CRIM1: variants seen among roughly 807,000 people sequenced by gnomAD.
The protein encoded by CRIM1 is cysteine-rich motor neuron 1 protein.
In CRIM1, 32 loss-of-function variants were observed where a neutral mutation model predicts 116.4. The observed-to-expected ratio is 0.27, with a 90% CI of 0.21 to 0.37. The LOEUF (loss-of-function observed/expected upper bound fraction) is 0.37, where lower values mean the gene tolerates loss of function less well. Ranked by LOEUF, CRIM1 falls within the 10% of genes least tolerant of loss-of-function variation. The pLI is 1.00. For synonymous variants in CRIM1, 590 were observed against 509.2 expected (o/e 1.16, Z -2.13); for missense variants, 1,331 against 1,354.8 (o/e 0.98, Z 0.28).
At chr2:36,509,437 G>T (rs1446027889) in intron 8 of CRIM1, among the ~76,000 whole-genome samples, 3 of 152,160 alleles carry the variant, frequency 2.0e-5, no homozygotes, top group African/African-American at 7.2e-5. Flanking sequence ...TGAGGTGGGA[G>T]AATCACTTGA....
At chr2:36,457,592 GGTTA>G (rs542243741) in intron 4 of CRIM1, among the ~76,000 whole-genome samples, 76 of 152,080 alleles carry the variant, frequency 5.0e-4, no homozygotes, top group African/African-American at 1.7e-3. Flanking sequence ...GGTGAAGGAG[GGTTA>G]GTTATTCATA....
intron 1 of CRIM1, among the ~76,000 whole-genome samples, chr2:36,363,872 G>A (rs1669414383): frequency 6.6e-6 from 1 of 152,306 alleles, no homozygotes; most frequent in Admixed American, 6.5e-5. Context: ...GTTCCAACCT[G>A]CTGCTGCAGT....
chr2:36,375,889 G>C (rs1267348893), intron 1 of CRIM1, among the ~76,000 whole-genome samples: 1 of 152,182 alleles, frequency 6.6e-6, no homozygotes, highest in Non-Finnish European at 1.5e-5. Context: ...AATGACATTA[G>C]CTAAAGTCAG....
intron 2 of CRIM1, among the ~76,000 whole-genome samples, chr2:36,401,727 A>G (rs1672416825): frequency 6.6e-6 from 1 of 152,212 alleles, no homozygotes; most frequent in South Asian, 2.1e-4. Flanking sequence ...AATTATTGTA[A>G]TTCAGTGGTC....
At chr2:36,403,573 G>A (rs756842536) in intron 2 of CRIM1, among the ~76,000 whole-genome samples, 2 of 152,094 alleles carry the variant, frequency 1.3e-5, no homozygotes, top group Non-Finnish European at 2.9e-5. Context: ...AAGAGAGGAC[G>A]GACAGAGAGG....
chr2:36,373,453 C>G (rs561416758), intron 1 of CRIM1, among the ~76,000 whole-genome samples: 30 of 152,344 alleles, frequency 2.0e-4, no homozygotes, highest in Admixed American at 3.9e-4. Flanking sequence ...ACAAGAACCT[C>G]TCAGAGCTAT....
chr2:36,358,157 C>CA (rs1668983092), intron 1 of CRIM1, among the ~76,000 whole-genome samples: 2 of 152,006 alleles, frequency 1.3e-5, no homozygotes, highest in Admixed American at 6.5e-5. Flanking sequence ...GCCTGAAGTA[C>CA]AAAAAAGCCT....
At chr2:36,529,850 C>T (rs761581793) in intron 13 of CRIM1, among the ~76,000 whole-genome samples, 9 of 152,098 alleles carry the variant, frequency 5.9e-5, no homozygotes, top group Non-Finnish European at 8.8e-5. Flanking sequence ...AAATTACTTG[C>T]ACTTCCTACC....
Position 36,542,498 on chromosome 2 carries a change from C to T in CRIM1, c.2624-1878C>T, listed in dbSNP as rs944259140. Among the ~76,000 whole-genome samples, 4 of 152,228 alleles carry T rather than the reference C, an allele frequency of 2.6e-5. No homozygotes were observed. In the South Asian group the frequency reaches 8.3e-4, roughly 32 times the overall value. On this transcript the variant is annotated intron_variant, in intron 14 of 16. Transcript: ENST00000280527. Reference sequence around the variant, plus strand: ...GAATTCCAAAGTTACGTCTCTCCCTCTCACTCAGGAAAAAACCTGAGGTGG... The same window carrying T: ...GAATTCCAAAGTTACGTCTCTCCCTTTCACTCAGGAAAAAACCTGAGGTGG...
intron 1 of CRIM1, among the ~76,000 whole-genome samples, chr2:36,393,811 A>G (rs1447115852): frequency 2.0e-5 from 3 of 152,226 alleles, no homozygotes; most frequent in African/African-American, 7.2e-5. Context: ...TAAGAGCCTC[A>G]AGTGTGCCTA....
In CRIM1 at chr2:36,389,743, C is replaced by A. The variant is rs140604164; in HGVS notation, c.332-6871C>A. On this transcript the variant is annotated intron_variant, in intron 1 of 16. Coordinates refer to ENST00000280527, the MANE Select transcript of CRIM1 (RefSeq NM_016441.3). ...TCATGTGAACACACAGTACTTTGTCCAGTACGTGCACTCATACCTGAAATG... is the reference window on the plus strand; with the variant it reads ...TCATGTGAACACACAGTACTTTGTCAAGTACGTGCACTCATACCTGAAATG... 1.9e-3 allele frequency among the ~76,000 whole-genome samples: 286 copies of A among 152,206 alleles called. 1 individual carries two copies. Among genetic ancestry groups the A allele is most frequent in the African/African-American group, 6.6e-3 (275 of 41,524 alleles).
Position 36,356,467 on chromosome 2 carries a change from G to A in CRIM1, c.175G>A (p.Val59Ile). The change falls in exon 1 of 17, where the codon GTC becomes ATC. Residue 59 changes from valine (V) to isoleucine (I), a missense_variant. Transcript: ENST00000280527. This position sits in a 1 kb window ranked among gnomAD's most constrained non-coding sequence, Gnocchi z 4.3. ...RNCPGSIVQG[V>I]CGCCYTCASQ... is the part of the protein sequence containing the mutation. Reference sequence around the variant, plus strand: ...CTGCCCGGGGAGCATCGTGCAGGGCGTCTGCGGCTGCTGCTACACGTGCGC... The same window carrying A: ...CTGCCCGGGGAGCATCGTGCAGGGCATCTGCGGCTGCTGCTACACGTGCGC... The A allele has an allele frequency of 6.2e-7, 1 of 1,611,932 alleles. No homozygotes were observed. Among genetic ancestry groups the A allele is most frequent in the Non-Finnish European group, 8.5e-7 (1 of 1,179,738 alleles).
At chr2:36,362,771 T>A (rs2148280790) in intron 1 of CRIM1, among the ~76,000 whole-genome samples, 1 of 152,244 alleles carries the variant, frequency 6.6e-6, no homozygotes, top group Non-Finnish European at 1.5e-5. Flanking sequence ...ATGAAAAAAG[T>A]AAATGTTTTT....
At position 36,506,181 on chromosome 2, in the gene CRIM1, T is replaced by A. The variant is rs2737100; in HGVS notation, c.1502-3802T>A. 4.4e-3 allele frequency among the ~76,000 whole-genome samples: 532 copies of A among 120,926 alleles called. 3 individuals carry two copies. Among genetic ancestry groups the A allele is most frequent in the East Asian group, 0.012 (49 of 4,092 alleles). The allele number at this position is 120,926 out of a possible 152,430, so 79.3% of individuals were successfully genotyped here. On this transcript the variant is annotated intron_variant, in intron 8 of 16. Transcript: ENST00000280527. ...CACTCTCTCTCTCTCTCTCTCTCTC[T>A]CACACACACACACACACACACACAC...
Position 36,549,895 on chromosome 2 carries a change from GTAT to G in CRIM1, c.*1196_*1198del, listed in dbSNP as rs2125206692. Reference sequence around the variant, plus strand: ...TACAATTTATGTTTTCCTGTTGAATGTATTTTTATGAGATTTTAACCAGAACAA... The same window carrying G: ...TACAATTTATGTTTTCCTGTTGAATGTTTTATGAGATTTTAACCAGAACAA... On this transcript the variant is annotated 3_prime_UTR_variant, in exon 17 of 17. Transcript: ENST00000280527. 2 of 152,308 alleles carry G rather than the reference GTAT, an allele frequency of 1.3e-5. No homozygotes were observed. Among genetic ancestry groups the G allele is most frequent in the African/African-American group, 4.8e-5 (2 of 41,488 alleles). The allele number at this position is 152,308 out of a possible 1,614,324, so 9.4% of individuals were successfully genotyped here. A position where few individuals can be genotyped will look rare whatever the true frequency, so the allele number is the denominator to read the frequency against.
intron 13 of CRIM1, among the ~76,000 whole-genome samples, chr2:36,533,789 C>A (rs1308027864): frequency 2.0e-5 from 3 of 152,152 alleles, no homozygotes; most frequent in African/African-American, 7.2e-5. Flanking sequence ...GGTTTTGATA[C>A]ATCAGTTGAA....
intron 2 of CRIM1, among the ~76,000 whole-genome samples, chr2:36,414,473 G>C (rs1300228867): frequency 2.6e-5 from 4 of 152,156 alleles, no homozygotes. Context: ...GCTAGATTCA[G>C]GGCAAACAAG....
intron 2 of CRIM1, among the ~76,000 whole-genome samples, chr2:36,437,298 C>T (rs889872545): frequency 6.6e-6 from 1 of 151,666 alleles, no homozygotes; most frequent in Non-Finnish European, 1.5e-5. Context: ...TGGCGTGAAC[C>T]GGGGAGGCAG....
chr2:36,390,799 C>T (rs763890144), intron 1 of CRIM1, among the ~76,000 whole-genome samples: 2 of 152,008 alleles, frequency 1.3e-5, no homozygotes, highest in Non-Finnish European at 2.9e-5. Context: ...AAACTTGCTC[C>T]TGATACTTAT....
Sources: allele counts gnomAD v4.1 joint callset (sites outside exome capture counted in the v4.1 genomes callset), GRCh38; gene constraint gnomAD v4.1.1; non-coding constraint Gnocchi (gnomAD v3.1); transcripts MANE v1.5; gene names NCBI Gene and HGNC (gene_info 2026-07-23, HGNC 2026-07-21).